Variants in PANX1 observed in about 807,000 individuals in gnomAD.
The protein encoded by PANX1 is pannexin-1.
In PANX1, 30 loss-of-function variants were observed where a neutral mutation model predicts 38.7. The observed-to-expected ratio is 0.78, with a 90% CI of 0.58 to 1.05. The LOEUF is 1.05. Among genes scored for constraint, PANX1 ranks in the 50% least tolerant of loss-of-function variants. PANX1 has a pLI of 0.00. For synonymous variants in PANX1, 230 were observed against 212.2 expected (o/e 1.08, Z -0.73); for missense variants, 551 against 517.2 (o/e 1.07, Z -0.63).
chr11:94,158,422 A>G (rs1438547081), intron 2 of PANX1, among the ~76,000 whole-genome samples: 1 of 151,996 alleles, frequency 6.6e-6, no homozygotes, highest in African/African-American at 2.4e-5. Flanking sequence ...CTTTAATTTC[A>G]TTGAGCAGTG....
At position 94,181,024 on chromosome 11, in the gene PANX1, T is replaced by C. The variant is rs1947301147; in HGVS notation, c.*155T>C. On this transcript the variant is annotated 3_prime_UTR_variant, in exon 5 of 5. Coordinates refer to ENST00000227638, the MANE Select transcript of PANX1 (RefSeq NM_015368.4). ...ATTGAGTCCCTAATGGAAATGGTGA[T>C]CAACAAAAGGTTATGGAAGAATGGT... The C allele has an allele frequency of 1.6e-6, 1 of 609,388 alleles. No homozygotes were observed. The highest frequency in any genetic ancestry group is 1.9e-5 in the African/African-American group (1 of 53,950). The allele number at this position is 609,388 out of a possible 1,614,324, so 37.7% of individuals were successfully genotyped here. A position where few individuals can be genotyped will look rare whatever the true frequency, so the allele number is the denominator to read the frequency against.
intron 1 of PANX1, among the ~76,000 whole-genome samples, chr11:94,152,495 G>A (rs1189045615): frequency 6.6e-6 from 1 of 152,202 alleles, no homozygotes; most frequent in Non-Finnish European, 1.5e-5. Flanking sequence ...GGAAGAGAGT[G>A]TGCCTGTCAT....
chr11:94,151,598 G>T (rs1029611435), intron 1 of PANX1, among the ~76,000 whole-genome samples: 4 of 152,228 alleles, frequency 2.6e-5, no homozygotes, highest in Non-Finnish European at 5.9e-5. Context: ...GCCCTCATAA[G>T]CCTTGGTAGG....
rs572542130 is a variant in PANX1, at chr11:94,130,018, A to C, written c.181+525A>C. Among the ~76,000 whole-genome samples, 16 of 152,370 alleles carry C rather than the reference A, an allele frequency of 1.1e-4. No homozygotes were observed. In the South Asian group the frequency reaches 2.9e-3, roughly 28 times the overall value. On this transcript the variant is annotated intron_variant, in intron 1 of 4. Transcript: ENST00000227638. ...TAGGAAATATCTGCACTTGGCAGGCATTAGAGGGATCCTCAACTTGGACGG... is the reference window on the plus strand; with the variant it reads ...TAGGAAATATCTGCACTTGGCAGGCCTTAGAGGGATCCTCAACTTGGACGG...
chr11:94,178,707 C>T lies in PANX1; in HGVS notation c.545+115C>T. 4.0e-6 allele frequency: 3 copies of T among 752,884 alleles called. No homozygotes were observed. In the South Asian group the frequency reaches 4.9e-5, roughly 12 times the overall value. 46.6% of individuals were successfully genotyped at this position (752,884 alleles called of 1,614,324 possible). ...CTAGGAGGCGGGGCAGGAGTGGAAG[C>T]AGGGGGACGTCATGCACCTAGTGAC... On this transcript the variant is annotated intron_variant, in intron 3 of 4. Transcript: ENST00000227638.
chr11:94,157,559 C>T (rs549354197), intron 2 of PANX1, among the ~76,000 whole-genome samples: 8,343 of 152,004 alleles, frequency 0.055, 771 homozygotes, highest in African/African-American at 0.19. Context: ...CTGTTCATGT[C>T]CTTCGCCCAC....
rs906774108 is a variant in PANX1, at chr11:94,180,934, A to G, written c.*65A>G. The G allele has an allele frequency of 1.1e-6, 1 of 927,536 alleles. No individual in the cohort carries two copies. The highest frequency in any genetic ancestry group is 1.8e-6 in the Non-Finnish European group (1 of 557,740). 57.5% of individuals were successfully genotyped at this position (927,536 alleles called of 1,614,324 possible). On this transcript the variant is annotated 3_prime_UTR_variant, in exon 5 of 5. Transcript: ENST00000227638. ...ACATGGGATTTAATTTGGCTAAAGC[A>G]CCCCTGTTGGTTTCACAGCTGGTTT... is the stretch of plus-strand genomic sequence containing the variant.
chr11:94,153,425 G>C, intron 1 of PANX1, 66 bp from the exon 2 acceptor site: 1 of 1,560,504 alleles, frequency 6.4e-7, no homozygotes, highest in Non-Finnish European at 8.8e-7. Flanking sequence ...CTAAAAACAT[G>C]TGAGATGGGG....
Position 94,179,656 on chromosome 11 carries a change from G to C in PANX1, c.600G>C (p.Leu200Phe). 1 of 1,613,540 alleles carries C rather than the reference G, an allele frequency of 6.2e-7. No homozygotes were observed. The highest frequency in any genetic ancestry group is 8.5e-7 in the Non-Finnish European group (1 of 1,179,690). The change falls in exon 4 of 5, where the codon TTG becomes TTC. Residue 200 changes from leucine (L) to phenylalanine (F), a missense_variant. Transcript: ENST00000227638. ...AGTACCCAATTGTGGAGCAGTACTT[G>C]AAGACAAAGAAAAATTCTAATAATT... is the stretch of plus-strand genomic sequence containing the variant. Reference protein sequence around the residue: ...HFKYPIVEQYLKTKKNSNNLI... With the variant: ...HFKYPIVEQYFKTKKNSNNLI...
intron 1 of PANX1, among the ~76,000 whole-genome samples, chr11:94,140,619 A>C (rs1014306841): frequency 2.6e-5 from 4 of 152,176 alleles, no homozygotes; most frequent in Admixed American, 1.3e-4. Context: ...TTCCTACTAC[A>C]AACAGTGGTT....
At chr11:94,156,800 T>A (rs1265954288) in intron 2 of PANX1, among the ~76,000 whole-genome samples, 1 of 151,970 alleles carries the variant, frequency 6.6e-6, no homozygotes, top group Non-Finnish European at 1.5e-5. Context: ...TATGTATACT[T>A]GTGCCATGTT....
chr11:94,130,353 A>C (rs925945060), intron 1 of PANX1, among the ~76,000 whole-genome samples: 1 of 152,142 alleles, frequency 6.6e-6, no homozygotes, highest in African/African-American at 2.4e-5. Context: ...ACCTTTGTTA[A>C]GGTTTTGAGA....
At chr11:94,157,531 T>G (rs1946968304) in intron 2 of PANX1, among the ~76,000 whole-genome samples, 1 of 152,234 alleles carries the variant, frequency 6.6e-6, no homozygotes, top group Non-Finnish European at 1.5e-5. Flanking sequence ...TGCATAAATG[T>G]CTTCTTTTGA....
rs187391422 is a variant in PANX1, at chr11:94,132,869, A to G, written c.181+3376A>G. On this transcript the variant is annotated intron_variant, in intron 1 of 4. Transcript: ENST00000227638. ...TGATTTTTTACTTTAAAGAAAATCTATTAAATCAAGAAATGTGCATGGATT... is the reference window on the plus strand; with the variant it reads ...TGATTTTTTACTTTAAAGAAAATCTGTTAAATCAAGAAATGTGCATGGATT... 3.5e-4 allele frequency among the ~76,000 whole-genome samples: 54 copies of G among 152,362 alleles called. 2 individuals are homozygous for G. Among genetic ancestry groups the G allele is most frequent in the African/African-American group, 1.3e-3 (52 of 41,590 alleles).
Position 94,179,791 on chromosome 11 carries a change from G to A in PANX1, c.735G>A (p.Val245=). ...TCTCCTCACTCTCAGACGAGTTTGTGTGCAGCATCAAATCAGGGATCCTGA... is the reference window on the plus strand; with the variant it reads ...TCTCCTCACTCTCAGACGAGTTTGTATGCAGCATCAAATCAGGGATCCTGA... The part of the protein sequence containing the change: ...FSLSSLSDEF[V]CSIKSGILRN... Residue 245 remains valine (V), a synonymous_variant, in exon 4 of 5, where the codon GTG becomes GTA. Coordinates refer to ENST00000227638, the MANE Select transcript of PANX1 (RefSeq NM_015368.4). 6.2e-7 allele frequency: 1 copy of A among 1,614,124 alleles called. No homozygotes were observed.
chr11:94,171,624 T>C (rs1331667559), intron 2 of PANX1, among the ~76,000 whole-genome samples: 1 of 151,598 alleles, frequency 6.6e-6, no homozygotes, highest in Non-Finnish European at 1.5e-5. Context: ...CACTTCTCAA[T>C]TTAATTCTGA....
At chr11:94,139,760 C>A (rs1426398486) in intron 1 of PANX1, among the ~76,000 whole-genome samples, 2 of 152,216 alleles carry the variant, frequency 1.3e-5, no homozygotes, top group Non-Finnish European at 2.9e-5. Context: ...TACATCCACG[C>A]TGGGAGGGTT....
At chr11:94,136,030 T>C (rs925722350) in intron 1 of PANX1, among the ~76,000 whole-genome samples, 1 of 152,220 alleles carries the variant, frequency 6.6e-6, no homozygotes, top group Non-Finnish European at 1.5e-5. Flanking sequence ...TTTCAAAATT[T>C]CTACTCACAC....
Position 94,129,109 on chromosome 11 carries a change from C to G in PANX1, c.-204C>G, listed in dbSNP as rs1275234172. The G allele has an allele frequency of 2.3e-6, 1 of 432,008 alleles. No homozygotes were observed. Among genetic ancestry groups the G allele is most frequent in the Non-Finnish European group, 4.1e-6 (1 of 245,792 alleles). The allele number at this position is 432,008 out of a possible 1,614,324, so 26.8% of individuals were successfully genotyped here. A position where few individuals can be genotyped will look rare whatever the true frequency, so the allele number is the denominator to read the frequency against. On this transcript the variant is annotated 5_prime_UTR_variant, in exon 1 of 5. Transcript: ENST00000227638. Reference sequence around the variant, plus strand: ...GGGTTCCCGCCCCGCCCCGCCCCGCCGGCGGCGGAGGCAGCGAGCGCGAGA... The same window carrying G: ...GGGTTCCCGCCCCGCCCCGCCCCGCGGGCGGCGGAGGCAGCGAGCGCGAGA...
Sources: gnomAD v4.1 joint callset for allele counts (sites outside exome capture counted in the v4.1 genomes callset) on GRCh38, gnomAD v4.1.1 for gene constraint, MANE v1.5 for transcripts, NCBI Gene and HGNC (gene_info 2026-07-23, HGNC 2026-07-21) for gene names.